MTCL1: variants seen among roughly 807,000 people sequenced by gnomAD.
MTCL1 encodes the protein microtubule crosslinking factor 1, also known as microtubule cross-linking factor 1.
A neutral mutation model predicts 141.4 loss-of-function variants in MTCL1; 79 were observed. That is an observed-to-expected ratio of 0.56 (90% CI 0.47 to 0.67). The LOEUF (loss-of-function observed/expected upper bound fraction) is 0.67, where lower values mean the gene tolerates loss of function less well. Ranked by LOEUF, MTCL1 falls within the 30% of genes least tolerant of loss-of-function variation. MTCL1 has a pLI of 0.00. For missense variants in MTCL1, 2,177 were observed against 2,113.9 expected (o/e 1.03, Z -0.59); for synonymous variants, 914 against 875.8 (o/e 1.04, Z -0.77).
chr18:8,794,434 G>A (rs898862976), intron 8 of MTCL1, among the ~76,000 whole-genome samples: 3 of 152,226 alleles, frequency 2.0e-5, no homozygotes, highest in African/African-American at 7.2e-5. Context: ...GAAGGAACTG[G>A]AAAGGGCAGT....
chr18:8,786,823 G>C (rs966106794), intron 7 of MTCL1: 1 of 168,886 alleles, frequency 5.9e-6, no homozygotes, highest in Non-Finnish European at 1.3e-5. Context: ...GCAATGTCTT[G>C]CCATTGGGGA....
At chr18:8,723,927 T>C (rs1227479099) in intron 4 of MTCL1, among the ~76,000 whole-genome samples, 1 of 151,032 alleles carries the variant, frequency 6.6e-6, no homozygotes, top group Non-Finnish European at 1.5e-5. Flanking sequence ...TGATAAGAAA[T>C]ATCCAGAGTA....
intron 4 of MTCL1, among the ~76,000 whole-genome samples, chr18:8,741,614 C>T (rs1231182990): frequency 1.3e-5 from 2 of 152,144 alleles, no homozygotes; most frequent in Non-Finnish European, 2.9e-5. Context: ...CTCATGCACA[C>T]CCAAACCAGG....
chr18:8,730,758 C>T (rs1333048618), intron 4 of MTCL1, among the ~76,000 whole-genome samples: 1 of 152,154 alleles, frequency 6.6e-6, no homozygotes, highest in African/African-American at 2.4e-5. Flanking sequence ...TTGGACGCAG[C>T]GATGCTGTGT....
intron 5 of MTCL1, among the ~76,000 whole-genome samples, chr18:8,783,231 A>G (rs772529630): frequency 4.6e-5 from 7 of 151,244 alleles, no homozygotes; most frequent in Non-Finnish European, 7.4e-5. Context: ...TTCTTTGCCC[A>G]TAACTTGTAT....
chr18:8,756,485 G>T (rs1163451764), intron 4 of MTCL1, among the ~76,000 whole-genome samples: 1 of 148,774 alleles, frequency 6.7e-6, no homozygotes, highest in Non-Finnish European at 1.5e-5. Flanking sequence ...GTATATGTGT[G>T]TATATATGTA....
intron 4 of MTCL1, among the ~76,000 whole-genome samples, chr18:8,762,467 C>T (rs902946766): frequency 1.3e-5 from 2 of 152,248 alleles, no homozygotes; most frequent in African/African-American, 4.8e-5. Flanking sequence ...GGAGAGCAAC[C>T]CTTGGGGGAC....
At chr18:8,738,280 A>G (rs1222435495) in intron 4 of MTCL1, among the ~76,000 whole-genome samples, 2 of 152,184 alleles carry the variant, frequency 1.3e-5, no homozygotes, top group Non-Finnish European at 2.9e-5. Context: ...AAGTTACTCT[A>G]TATACTAATA....
Position 8,830,088 on chromosome 18 carries a change from C to T in MTCL1, c.*18+1124C>T, listed in dbSNP as rs1308720038. ...CACAACACACACACTACTTCTATAA[C>T]AAGGGGAGCGCAGACACAAAACACA... On this transcript the variant is annotated intron_variant, in intron 16 of 16. Transcript: ENST00000359865. The surrounding 1 kb of genome is among the most constrained non-coding windows in gnomAD (Gnocchi z 6.4). 2.7e-5 allele frequency: 27 copies of T among 985,460 alleles called. No homozygotes were observed. Among genetic ancestry groups the T allele is most frequent in the East Asian group, 1.1e-4 (1 of 8,808 alleles). The allele number at this position is 985,460 out of a possible 1,614,324, so 61.0% of individuals were successfully genotyped here. A position where few individuals can be genotyped will look rare whatever the true frequency, so the allele number is the denominator to read the frequency against.
chr18:8,818,831 A>T, intron 12 of MTCL1, 132 bp from the exon 12 acceptor site: 1 of 929,258 alleles, frequency 1.1e-6, no homozygotes, highest in Non-Finnish European at 1.6e-6. Flanking sequence ...CAGAACTTTA[A>T]GAACATTTGC....
upstream of MTCL1, among the ~76,000 whole-genome samples, chr18:8,714,953 C>T (rs1002683663): frequency 6.6e-5 from 10 of 152,206 alleles, no homozygotes; most frequent in Middle Eastern, 3.4e-3. Flanking sequence ...CCCGCCACCA[C>T]GCCTGGCTAA....
chr18:8,743,974 C>T (rs1030918320), intron 4 of MTCL1, among the ~76,000 whole-genome samples: 6 of 152,176 alleles, frequency 3.9e-5, no homozygotes, highest in Non-Finnish European at 7.3e-5. Context: ...AAACTGAGGC[C>T]CAGGGCATAC....
chr18:8,735,280 T>C (rs977954140), intron 4 of MTCL1, among the ~76,000 whole-genome samples: 1 of 152,196 alleles, frequency 6.6e-6, no homozygotes, highest in Non-Finnish European at 1.5e-5. Flanking sequence ...TCAGTTCTAC[T>C]CCACTCCTCT....
chr18:8,783,331 C>T (rs1166427386), intron 5 of MTCL1, among the ~76,000 whole-genome samples, 199 bp from the exon 5 acceptor site: 1 of 151,728 alleles, frequency 6.6e-6, no homozygotes, highest in East Asian at 1.9e-4. Flanking sequence ...GTAGGCCTTT[C>T]ACAGGCCCCC....
chr18:8,729,665 A>C, intron 4 of MTCL1, among the ~76,000 whole-genome samples: 1 of 90,920 alleles, frequency 1.1e-5, no homozygotes, highest in Non-Finnish European at 2.2e-5. Flanking sequence ...TGGCTTCCCA[A>C]GAAGACAAAT....
At chr18:8,718,324 G>T in intron 2 of MTCL1, 100 bp from the exon 2 acceptor site, 1 of 1,161,222 alleles carries the variant, frequency 8.6e-7, no homozygotes, top group South Asian at 1.4e-5. Flanking sequence ...AAGCGTGTAG[G>T]TATTCAATAT....
intron 7 of MTCL1, among the ~76,000 whole-genome samples, chr18:8,788,822 C>T (rs1025812684): frequency 2.6e-5 from 4 of 152,150 alleles, no homozygotes; most frequent in East Asian, 1.9e-4. Flanking sequence ...AATGCAACCA[C>T]GCAAAAATGA....
chr18:8,809,676 A>C, intron 11 of MTCL1: 1 of 1,465,940 alleles, frequency 6.8e-7, no homozygotes, highest in Non-Finnish European at 9.1e-7. Flanking sequence ...GGTTCATGAG[A>C]CGCCGTGGAG....
chr18:8,756,355 A>G (rs1208743408), intron 4 of MTCL1, among the ~76,000 whole-genome samples: 2 of 132,644 alleles, frequency 1.5e-5, no homozygotes, highest in African/African-American at 8.3e-5. Context: ...ATATATGTGT[A>G]TATATGTATA....
Sources: allele counts gnomAD v4.1 joint callset (sites outside exome capture counted in the v4.1 genomes callset), GRCh38; gene constraint gnomAD v4.1.1; non-coding constraint Gnocchi (gnomAD v3.1); transcripts MANE v1.5; gene names NCBI Gene and HGNC (gene_info 2026-07-23, HGNC 2026-07-21).